Variants in RNF44 observed in about 807,000 individuals in gnomAD.
RNF44 encodes the protein ring finger protein 44.
In RNF44, 25 loss-of-function variants were observed where a neutral mutation model predicts 53.6. The observed-to-expected ratio is 0.47, with a 90% CI of 0.34 to 0.65. The LOEUF is 0.65. Ranked by LOEUF, RNF44 falls within the 30% of genes least tolerant of loss-of-function variation. The probability of loss-of-function intolerance (pLI) is 0.01; values close to 1 mark genes in which losing one functional copy is unlikely to be tolerated. For missense variants in RNF44, 581 were observed against 595.5 expected (o/e 0.98, Z 0.25); for synonymous variants, 282 against 252.2 (o/e 1.12, Z -1.12).
At chr5:176,533,342 C>G (rs1322852943) in intron 1 of RNF44, among the ~76,000 whole-genome samples, 2 of 152,224 alleles carry the variant, frequency 1.3e-5, no homozygotes, top group Non-Finnish European at 2.9e-5. Flanking sequence ...CTGTGCCTAT[C>G]CACGAGTGAC....
intron 1 of RNF44, among the ~76,000 whole-genome samples, chr5:176,535,165 G>A (rs1280418046): frequency 6.6e-6 from 1 of 152,212 alleles, no homozygotes; most frequent in Non-Finnish European, 1.5e-5. Flanking sequence ...CCTACAGACC[G>A]TGGGCAAGGG....
Position 176,530,760 on chromosome 5 carries a change from C to T in RNF44, c.640-17G>A, listed in dbSNP as rs1478018834. 15 of 1,517,502 alleles carry T rather than the reference C, an allele frequency of 9.9e-6. No individual in the cohort carries two copies. The highest frequency in any genetic ancestry group is 5.7e-5 in the African/African-American group (4 of 69,600). The allele number at this position is 1,517,502 out of a possible 1,614,324, so 94.0% of individuals were successfully genotyped here. On this transcript the variant is annotated splice_polypyrimidine_tract_variant and intron_variant, in intron 5 of 10. Coordinates refer to ENST00000274811, the MANE Select transcript of RNF44 (RefSeq NM_014901.5). Reference sequence around the variant, plus strand: ...CTGGAGGGGCTGGAAGAACCAGCGCCGGGTCAGCAAGTCAGTGAGACGAGG... The same window carrying T: ...CTGGAGGGGCTGGAAGAACCAGCGCTGGGTCAGCAAGTCAGTGAGACGAGG...
upstream of RNF44, among the ~76,000 whole-genome samples, chr5:176,543,010 G>A (rs939703645): frequency 1.3e-5 from 2 of 151,758 alleles, no homozygotes; most frequent in African/African-American, 4.8e-5. This position sits in a 1 kb window ranked among gnomAD's most constrained non-coding sequence, Gnocchi z 4.0. Context: ...GGGGCGCAGG[G>A]CACGCGGGGG....
At chr5:176,541,384 A>C (rs1055614607), upstream of RNF44, among the ~76,000 whole-genome samples, 2 of 152,170 alleles carry the variant, frequency 1.3e-5, no homozygotes, top group African/African-American at 4.8e-5. Flanking sequence ...TCTCACATTA[A>C]GTGTGGTTTG....
Position 176,530,619 on chromosome 5 carries a change from G to A in RNF44, c.764C>T (p.Pro255Leu), listed in dbSNP as rs771807379. The A allele has an allele frequency of 2.0e-6, 3 of 1,504,368 alleles. No individual in the cohort carries two copies. Among genetic ancestry groups the A allele is most frequent in the Admixed American group, 4.9e-5 (2 of 40,746 alleles). The allele number at this position is 1,504,368 out of a possible 1,614,324, so 93.2% of individuals were successfully genotyped here. Residue 255 changes from proline (P) to leucine (L), a missense_variant, in exon 6 of 11, where the codon CCC (proline) becomes CTC (leucine). Physicochemically the swap from Pro to Leu is moderately conservative, Grantham distance 98. Transcript: ENST00000274811. The stretch of plus-strand genomic sequence containing the variant: ...CAGCTCCTGGTGCAGCGGATCGTGG[G>A]GCAGGTAGTGCAGGGGCACCGACGG... ...LSPSVPLHYL[P>L]HDPLHQELSF...
chr5:176,533,351 A>T (rs1756874018), intron 1 of RNF44, among the ~76,000 whole-genome samples: 1 of 152,202 alleles, frequency 6.6e-6, no homozygotes, highest in Admixed American at 6.5e-5. Flanking sequence ...TCCACGAGTG[A>T]CTTCATCTAC....
Position 176,530,863 on chromosome 5 carries a change from G to A in RNF44, c.624C>T (p.Thr208=). ...GCCGACTCACCATCCGAGGGTGCTG[G>A]GTCTGCAGAGACACAAACTGCCCCA... The part of the protein sequence containing the change: ...APLGQFVSLQ[T]QHPRMPLQRL... Residue 208 remains threonine (T), a synonymous_variant, in exon 5 of 11, where the codon ACC becomes ACT. Transcript: ENST00000274811. The A allele has an allele frequency of 1.5e-6, 2 of 1,368,306 alleles. No individual in the cohort carries two copies. Among genetic ancestry groups the A allele is most frequent in the Non-Finnish European group, 1.9e-6 (2 of 1,056,318 alleles). The allele number at this position is 1,368,306 out of a possible 1,614,324, so 84.8% of individuals were successfully genotyped here.
chr5:176,543,107 G>A, the RNF44 span, among the ~76,000 whole-genome samples: 2 of 151,466 alleles, frequency 1.3e-5, no homozygotes, highest in Admixed American at 6.6e-5. The surrounding 1 kb of genome is among the most constrained non-coding windows in gnomAD (Gnocchi z 4.0). Context: ...TGCCGGGCCC[G>A]GGACTGCGAG....
chr5:176,529,961 G>C, intron 7 of RNF44, 121 bp downstream of exon 7: 3 of 1,396,362 alleles, frequency 2.1e-6, no homozygotes, highest in Non-Finnish European at 2.9e-6. Context: ...GTCAGGTTAA[G>C]GGGGGAACGC....
intron 1 of RNF44, among the ~76,000 whole-genome samples, chr5:176,532,861 G>A (rs570715024): frequency 6.6e-6 from 1 of 152,154 alleles, no homozygotes; most frequent in Admixed American, 6.5e-5. Flanking sequence ...AGGGACCAAT[G>A]GTGTTCAGCC....
chr5:176,530,512 T>C (rs1756543686), intron 6 of RNF44, 70 bp downstream of exon 6: 2 of 1,347,718 alleles, frequency 1.5e-6, no homozygotes, highest in Non-Finnish European at 1.9e-6. Context: ...GGAGCCCAGA[T>C]GCAGGTCGGC....
At chr5:176,533,342 C>T (rs1322852943) in intron 1 of RNF44, among the ~76,000 whole-genome samples, 1 of 152,224 alleles carries the variant, frequency 6.6e-6, no homozygotes, top group Non-Finnish European at 1.5e-5. Context: ...CTGTGCCTAT[C>T]CACGAGTGAC....
At chr5:176,535,535 T>G (rs1757073885) in intron 1 of RNF44, among the ~76,000 whole-genome samples, 1 of 152,060 alleles carries the variant, frequency 6.6e-6, no homozygotes, top group African/African-American at 2.4e-5. Context: ...AGAAAGGAAG[T>G]AAGTTACTCT....
intron 1 of RNF44, among the ~76,000 whole-genome samples, chr5:176,535,509 G>C (rs1247866209): frequency 3.3e-5 from 5 of 152,190 alleles, no homozygotes; most frequent in East Asian, 3.8e-4. Context: ...TCATGGCTGA[G>C]AAAACTGGAG....
intron 1 of RNF44, among the ~76,000 whole-genome samples, chr5:176,533,976 C>G (rs770267031): frequency 5.9e-5 from 9 of 152,222 alleles, no homozygotes; most frequent in Non-Finnish European, 1.2e-4. Flanking sequence ...TTGACACAGC[C>G]AGGGAGCCAG....
At chr5:176,535,164 C>G (rs1208859010) in intron 1 of RNF44, among the ~76,000 whole-genome samples, 3 of 152,190 alleles carry the variant, frequency 2.0e-5, no homozygotes, top group Non-Finnish European at 2.9e-5. Context: ...GCCTACAGAC[C>G]GTGGGCAAGG....
chr5:176,531,351 C>G lies in RNF44; in HGVS notation c.465+112G>C. On this transcript the variant is annotated intron_variant, in intron 4 of 10. Coordinates refer to ENST00000274811, the MANE Select transcript of RNF44 (RefSeq NM_014901.5). This position sits in a 1 kb window ranked among gnomAD's most constrained non-coding sequence, Gnocchi z 4.2. ...GAGGCCAGGCAGGCGCTCTGACAGC[C>G]TGGATGGCTGGATAGCTCAGCCCAG... The G allele has an allele frequency of 9.2e-7, 1 of 1,083,358 alleles. No individual in the cohort carries two copies. The allele number at this position is 1,083,358 out of a possible 1,614,324, so 67.1% of individuals were successfully genotyped here.
intron 1 of RNF44, among the ~76,000 whole-genome samples, chr5:176,534,570 C>G (rs1294815924): frequency 1.2e-4 from 18 of 152,236 alleles, no homozygotes; most frequent in Non-Finnish European, 7.3e-5. Context: ...GGACCAGACA[C>G]TTTGGAGGGA....
chr5:176,538,001 C>T (rs1397252429), upstream of RNF44: 3 of 152,200 alleles, frequency 2.0e-5, no homozygotes, highest in Non-Finnish European at 4.4e-5. Flanking sequence ...AATGGCGGAC[C>T]ACCCATGCAA....
Sources: gnomAD v4.1 joint callset for allele counts (sites outside exome capture counted in the v4.1 genomes callset) on GRCh38, gnomAD v4.1.1 for gene constraint, Gnocchi (gnomAD v3.1) non-coding constraint, MANE v1.5 for transcripts, NCBI Gene and HGNC (gene_info 2026-07-23, HGNC 2026-07-21) for gene names.